The following NELL1 variants were observed in gnomAD, a reference collection of about 807,000 sequenced individuals.
NELL1 encodes protein kinase C-binding protein NELL1.
NELL1 carries 76 observed loss-of-function variants against 107.4 expected under a neutral mutation model. The observed-to-expected ratio is 0.71, with a 90% CI of 0.59 to 0.86. NELL1 has a LOEUF of 0.86. Ranked by LOEUF, NELL1 falls within the 40% of genes least tolerant of loss-of-function variation. The pLI is 0.00. For missense variants in NELL1, 1,024 were observed against 1,005.5 expected, an observed-to-expected ratio of 1.02 and a Z score of -0.25; for synonymous variants, 353 against 341.2, an observed-to-expected ratio of 1.03 and a Z score of -0.38.
In NELL1 at chr11:20,783,806, T is replaced by A; in HGVS notation, c.311T>A (p.Leu104Gln). The change falls in exon 3 of 20, where the codon CTG becomes CAG. Residue 104 changes from leucine to glutamine, a missense_variant. By Grantham distance (113) the Leu-to-Gln change is moderately radical (BLOSUM62 -2). Coordinates refer to ENST00000357134, the MANE Select transcript of NELL1 (RefSeq NM_006157.5). ...AAGCCATCCACTTCAGGAGTGATAC[T>A]GTCCATTCGAGAACTGGAGCACAGG... ...QQKPSTSGVILSIRELEHSYF... is the reference protein window; with the variant it reads ...QQKPSTSGVIQSIRELEHSYF... 6.2e-7 allele frequency: 1 copy of A among 1,613,192 alleles called. No individual in the cohort carries two copies. Among genetic ancestry groups the A allele is most frequent in the Non-Finnish European group, 8.5e-7 (1 of 1,179,628 alleles).
rs188154573 is a variant in NELL1 at position 21,525,700 on chromosome 11, G to C, written c.1646-8674G>C. 2.3e-3 allele frequency among the ~76,000 whole-genome samples: 346 copies of C among 152,288 alleles called. 1 individual carries two copies. Among genetic ancestry groups the C allele is most frequent in the African/African-American group, 8.2e-3 (339 of 41,554 alleles). On this transcript the variant is annotated intron_variant, in intron 15 of 19. Coordinates refer to ENST00000357134, the MANE Select transcript of NELL1 (RefSeq NM_006157.5). ...TGGCTGGGGAGGCCTCACAATCATG[G>C]CAGAAGGTGAATGAGAAGAAAAGTC...
chr11:20,930,870 CA>C (rs1850604489), intron 9 of NELL1, among the ~76,000 whole-genome samples: 1 of 149,490 alleles, frequency 6.7e-6, no homozygotes, highest in Non-Finnish European at 1.5e-5. Flanking sequence ...CTAATTTTCT[CA>C]CAGCTCTGAT....
At chr11:20,712,827 T>G (rs1396906285) in intron 2 of NELL1, among the ~76,000 whole-genome samples, 1 of 152,234 alleles carries the variant, frequency 6.6e-6, no homozygotes, top group African/African-American at 2.4e-5. Context: ...TGTGATATGA[T>G]CCATCTTCAG....
chr11:21,230,675 A>C (rs548903061), intron 14 of NELL1, among the ~76,000 whole-genome samples: 2 of 152,236 alleles, frequency 1.3e-5, no homozygotes, highest in Non-Finnish European at 2.9e-5. Flanking sequence ...AGTGAAAAAT[A>C]ATTTACAACG....
intron 15 of NELL1, among the ~76,000 whole-genome samples, chr11:21,381,572 A>G (rs999940024): frequency 7.2e-5 from 11 of 151,952 alleles, no homozygotes; most frequent in Non-Finnish European, 1.3e-4. Context: ...CAGGGGATAA[A>G]ATTGAGACTC....
At chr11:21,312,832 A>G (rs1849778355) in intron 14 of NELL1, among the ~76,000 whole-genome samples, 1 of 152,070 alleles carries the variant, frequency 6.6e-6, no homozygotes, top group Admixed American at 6.6e-5. Context: ...AGTTTTATAA[A>G]CCTAAATGTC....
In NELL1 at chr11:20,722,132, C is replaced by T. The variant is rs1611904; in HGVS notation, c.184+44072C>T. 1.7e-4 allele frequency among the ~76,000 whole-genome samples: 26 copies of T among 151,628 alleles called. No individual in the cohort carries two copies. The East Asian group carries it at 2.7e-3, about 16-fold the overall frequency. Reference sequence around the variant, plus strand: ...ATCTCCCAGGTTCAAGTGATCCTCCCGCCTCAGCCTCCCAAGTAGCTGGGA... The same window carrying T: ...ATCTCCCAGGTTCAAGTGATCCTCCTGCCTCAGCCTCCCAAGTAGCTGGGA... On this transcript the variant is annotated intron_variant, in intron 2 of 19. Coordinates refer to ENST00000357134, the MANE Select transcript of NELL1 (RefSeq NM_006157.5).
intron 15 of NELL1, among the ~76,000 whole-genome samples, chr11:21,523,027 T>G (rs1209273003): frequency 1.3e-5 from 2 of 151,818 alleles, no homozygotes; most frequent in East Asian, 3.9e-4. Context: ...TTGTATATTT[T>G]TAGTAGAAAC....
intron 12 of NELL1, among the ~76,000 whole-genome samples, chr11:20,972,035 T>A (rs1400546600): frequency 3.0e-5 from 2 of 66,102 alleles, no homozygotes; most frequent in East Asian, 4.7e-4. Flanking sequence ...GGGAGCGGGG[T>A]GGGGGGCAAG....
chr11:21,215,104 G>T (rs1857585790), intron 13 of NELL1, among the ~76,000 whole-genome samples: 2 of 152,116 alleles, frequency 1.3e-5, no homozygotes, highest in Admixed American at 6.5e-5. Context: ...TCGTGGGAGG[G>T]ACCCAGTGTA....
intron 3 of NELL1, among the ~76,000 whole-genome samples, chr11:20,828,444 T>C (rs1857932154): frequency 6.6e-6 from 1 of 152,166 alleles, no homozygotes; most frequent in Non-Finnish European, 1.5e-5. Flanking sequence ...TTGAAAAAAC[T>C]CTCAAGTTTG....
At chr11:21,357,508 T>C (rs1310500403) in intron 14 of NELL1, among the ~76,000 whole-genome samples, 1 of 152,204 alleles carries the variant, frequency 6.6e-6, no homozygotes, top group African/African-American at 2.4e-5. Context: ...TTATTTGTTT[T>C]TTCTTGCTGA....
At chr11:20,776,537 C>T (rs1353276375) in intron 2 of NELL1, among the ~76,000 whole-genome samples, 1 of 151,992 alleles carries the variant, frequency 6.6e-6, no homozygotes, top group African/African-American at 2.4e-5. Context: ...TACATAATCT[C>T]TGACAATTGT....
intron 15 of NELL1, among the ~76,000 whole-genome samples, chr11:21,515,069 C>T (rs1413391808): frequency 6.6e-6 from 1 of 152,162 alleles, no homozygotes; most frequent in Non-Finnish European, 1.5e-5. Flanking sequence ...AATGACTTTC[C>T]TATTTCTTGG....
At chr11:20,922,665 C>T (rs1564968481) in intron 7 of NELL1, among the ~76,000 whole-genome samples, 1 of 151,856 alleles carries the variant, frequency 6.6e-6, no homozygotes, top group Non-Finnish European at 1.5e-5. Flanking sequence ...TTGAGTTGTC[C>T]AGCAGTTCCG....
At chr11:21,129,615 T>C (rs12281347) in intron 13 of NELL1, among the ~76,000 whole-genome samples, 9,978 of 152,252 alleles carry the variant, frequency 0.066, 448 homozygotes, top group Non-Finnish European at 0.1. Flanking sequence ...ATAATGTGGA[T>C]GAGACTAGAG....
intron 12 of NELL1, among the ~76,000 whole-genome samples, chr11:21,103,808 A>G (rs1854881571): frequency 6.6e-6 from 1 of 152,160 alleles, no homozygotes; most frequent in South Asian, 2.1e-4. Flanking sequence ...ACTCAAAACA[A>G]TTATTATTTT....
At chr11:21,138,490 C>G (rs1389349265) in intron 13 of NELL1, among the ~76,000 whole-genome samples, 1 of 152,130 alleles carries the variant, frequency 6.6e-6, no homozygotes, top group Non-Finnish European at 1.5e-5. Flanking sequence ...TTGTTTTGAC[C>G]TAAATATTGT....
intron 12 of NELL1, among the ~76,000 whole-genome samples, chr11:21,016,464 C>A (rs1292144144): frequency 1.3e-5 from 2 of 152,082 alleles, no homozygotes; most frequent in Non-Finnish European, 2.9e-5. Flanking sequence ...CCTTTCTAGT[C>A]TCTTTCTCCA....
Sources: gnomAD v4.1 joint callset for allele counts (sites outside exome capture counted in the v4.1 genomes callset) on GRCh38, gnomAD v4.1.1 for gene constraint, MANE v1.5 for transcripts, NCBI Gene and HGNC (gene_info 2026-07-23, HGNC 2026-07-21) for gene names.